TAFA5: variants seen among roughly 807,000 people sequenced by gnomAD.
The protein encoded by TAFA5 is TAFA chemokine like family member 5.
Under a neutral mutation model 15.3 loss-of-function variants are expected in TAFA5, and 6 were observed. The ratio of observed to expected loss-of-function variants is 0.39; its 90% CI spans 0.21 to 0.77. The LOEUF is 0.77. TAFA5 is among the 30% of genes least tolerant of loss of function. The pLI is 0.41. For missense variants in TAFA5, 161 were observed against 193.1 expected (o/e 0.83, Z 0.98); for synonymous variants, 103 against 80.7 (o/e 1.28, Z -1.48).
chr22:48,712,662 C>G (rs563401327), intron 3 of TAFA5, among the ~76,000 whole-genome samples: 2 of 152,210 alleles, frequency 1.3e-5, no homozygotes, highest in African/African-American at 4.8e-5. Flanking sequence ...ACCTTGTGGA[C>G]GTCCACCTGC....
At chr22:48,539,030 G>A (rs1922267559) in intron 1 of TAFA5, 2 of 211,594 alleles carry the variant, frequency 9.5e-6, no homozygotes, top group Non-Finnish European at 9.7e-6. Flanking sequence ...AAACCAATGG[G>A]ATGTGAGTTC....
chr22:48,705,434 G>T (rs1156998762), intron 2 of TAFA5, among the ~76,000 whole-genome samples: 3 of 152,152 alleles, frequency 2.0e-5, no homozygotes, highest in African/African-American at 7.2e-5. Flanking sequence ...CTGTCCCTTT[G>T]TCTGTCTTCC....
intron 1 of TAFA5, among the ~76,000 whole-genome samples, chr22:48,613,024 G>A (rs922138011): frequency 2.0e-5 from 3 of 152,156 alleles, no homozygotes; most frequent in Non-Finnish European, 4.4e-5. Context: ...CTGGCAGGGC[G>A]TTTGCTGCCT....
chr22:48,711,537 A>G (rs1184543490), intron 3 of TAFA5, among the ~76,000 whole-genome samples: 1 of 151,880 alleles, frequency 6.6e-6, no homozygotes, highest in Non-Finnish European at 1.5e-5. Context: ...AGGTTAGTTG[A>G]GCTCTTGAAC....
intron 1 of TAFA5, among the ~76,000 whole-genome samples, chr22:48,502,068 C>A (rs768712200): frequency 1.3e-5 from 2 of 152,230 alleles, no homozygotes; most frequent in Non-Finnish European, 2.9e-5. Flanking sequence ...GTGGCCCACC[C>A]GCTGTCTCTA....
At chr22:48,591,090 G>A (rs1021368477) in intron 1 of TAFA5, among the ~76,000 whole-genome samples, 2 of 152,172 alleles carry the variant, frequency 1.3e-5, no homozygotes, top group African/African-American at 4.8e-5. Context: ...GACCTCAGGT[G>A]ATCCGCCCGC....
intron 1 of TAFA5, among the ~76,000 whole-genome samples, chr22:48,540,760 T>C (rs1922339394): frequency 6.6e-6 from 1 of 152,180 alleles, no homozygotes; most frequent in Middle Eastern, 3.4e-3. Flanking sequence ...GTCACTAATG[T>C]ACTGTGAAAC....
At chr22:48,495,190 T>C (rs776720716) in intron 1 of TAFA5, among the ~76,000 whole-genome samples, 6 of 152,178 alleles carry the variant, frequency 3.9e-5, no homozygotes, top group Non-Finnish European at 8.8e-5. Context: ...CCAGCACTGC[T>C]CGAAGGAGGC....
At chr22:48,554,397 A>G (rs1922959049) in intron 1 of TAFA5, among the ~76,000 whole-genome samples, 1 of 152,232 alleles carries the variant, frequency 6.6e-6, no homozygotes, top group African/African-American at 2.4e-5. Context: ...CGATTAATAC[A>G]GTGCATATTA....
At chr22:48,699,733 T>C (rs554520665) in intron 2 of TAFA5, among the ~76,000 whole-genome samples, 14 of 152,188 alleles carry the variant, frequency 9.2e-5, no homozygotes, top group Non-Finnish European at 1.8e-4. Flanking sequence ...GCAGCGTGAG[T>C]AAGCGGAGCT....
intron 2 of TAFA5, among the ~76,000 whole-genome samples, chr22:48,676,720 C>T (rs983530239): frequency 1.2e-4 from 19 of 152,326 alleles, no homozygotes; most frequent in Non-Finnish European, 2.4e-4. Flanking sequence ...GGCCGGGGAG[C>T]GGGTATGCAC....
chr22:48,656,837 T>A (rs1204779140), intron 2 of TAFA5, among the ~76,000 whole-genome samples: 1 of 148,234 alleles, frequency 6.7e-6, no homozygotes, highest in Non-Finnish European at 1.5e-5. Context: ...TGATCTCAGC[T>A]CTCTGCAACC....
chr22:48,653,192 C>T (rs761792), intron 2 of TAFA5, among the ~76,000 whole-genome samples: 104,304 of 152,182 alleles, frequency 0.69, 36,560 homozygotes, highest in South Asian at 0.82. Context: ...GGGCTGTTGG[C>T]GACACTTTCT....
chr22:48,532,229 C>T (rs187408006), intron 1 of TAFA5, among the ~76,000 whole-genome samples: 329 of 152,348 alleles, frequency 2.2e-3, no homozygotes, highest in African/African-American at 7.5e-3. Context: ...ATGTGGCCCT[C>T]GCCTCCAGGG....
rs568489331 is a variant in TAFA5, at chr22:48,584,269, CCACA to C, written c.113-62316_113-62313del. On this transcript the variant is annotated intron_variant, in intron 1 of 3. Coordinates refer to ENST00000402357, the MANE Select transcript of TAFA5 (RefSeq NM_001082967.3). ...ACACACTTACAAAATACATCACACACCACACACACACACACCACACACAGCAGAC... is the reference window on the plus strand; with the variant it reads ...ACACACTTACAAAATACATCACACACCACACACACACCACACACAGCAGAC... Among the ~76,000 whole-genome samples, 616 of 104,282 alleles carry C rather than the reference CCACA, an allele frequency of 5.9e-3. 4 individuals carry two copies. Among genetic ancestry groups the C allele is most frequent in the African/African-American group, 0.019 (549 of 29,322 alleles). 68.4% of individuals were successfully genotyped at this position (104,282 alleles called of 152,430 possible).
chr22:48,712,512 C>T (rs530727752), intron 3 of TAFA5, among the ~76,000 whole-genome samples: 1 of 152,230 alleles, frequency 6.6e-6, no homozygotes, highest in South Asian at 2.1e-4. Flanking sequence ...TGACAAAGCA[C>T]GCGCCTGGGC....
At chr22:48,655,435 A>C (rs1043453657) in intron 2 of TAFA5, among the ~76,000 whole-genome samples, 1 of 152,204 alleles carries the variant, frequency 6.6e-6, no homozygotes, top group Non-Finnish European at 1.5e-5. Flanking sequence ...TCAAGGCACT[A>C]GCGTGTTCAG....
intron 1 of TAFA5, among the ~76,000 whole-genome samples, chr22:48,531,733 G>T (rs1921980539): frequency 6.6e-6 from 1 of 152,186 alleles, no homozygotes; most frequent in South Asian, 2.1e-4. Flanking sequence ...ACAGAAAGGG[G>T]TTTGTACAGG....
In TAFA5 at chr22:48,688,977, G is replaced by A. The variant is rs1470813954; in HGVS notation, c.263-18740G>A. On this transcript the variant is annotated intron_variant, in intron 2 of 3. Transcript: ENST00000402357. Reference sequence around the variant, plus strand: ...ACTGCACTCCAGCCTGGGTGACAGAGCAAGACTTGTCTCGGAAAAAAAAAA... The same window carrying A: ...ACTGCACTCCAGCCTGGGTGACAGAACAAGACTTGTCTCGGAAAAAAAAAA... Among the ~76,000 whole-genome samples the A allele has an allele frequency of 5.9e-5, 8 of 135,956 alleles. No homozygotes were observed. In the East Asian group the frequency reaches 1.7e-3, roughly 29 times the overall value. The allele number at this position is 135,956 out of a possible 152,430, so 89.2% of individuals were successfully genotyped here. A position where few individuals can be genotyped will look rare whatever the true frequency, so the allele number is the denominator to read the frequency against.
Sources: allele counts gnomAD v4.1 joint callset (sites outside exome capture counted in the v4.1 genomes callset), GRCh38; gene constraint gnomAD v4.1.1; transcripts MANE v1.5; gene names NCBI Gene and HGNC (gene_info 2026-07-23, HGNC 2026-07-21).